The following KLHL3 variants were observed in gnomAD, a reference collection of about 807,000 sequenced individuals.
KLHL3 encodes the protein kelch-like protein 3.
A neutral mutation model predicts 70.5 loss-of-function variants in KLHL3; 19 were observed. The observed-to-expected ratio is 0.27, with a 90% CI of 0.19 to 0.40. The LOEUF is 0.40. KLHL3 is among the 10% of genes least tolerant of loss of function. The pLI is 1.00. For synonymous variants in KLHL3, 258 were observed against 290.3 expected, an observed-to-expected ratio of 0.89 and a Z score of 1.13; for missense variants, 512 against 771.1, an observed-to-expected ratio of 0.66 and a Z score of 3.98.
chr5:137,713,674 G>T (rs772631380), intron 2 of KLHL3, among the ~76,000 whole-genome samples: 8 of 152,128 alleles, frequency 5.3e-5, no homozygotes, highest in Non-Finnish European at 1.0e-4. Flanking sequence ...AAGAAACAAT[G>T]ATAAATTAGT....
At chr5:137,708,997 C>A (rs1035408734) in intron 3 of KLHL3, among the ~76,000 whole-genome samples, 1 of 152,184 alleles carries the variant, frequency 6.6e-6, no homozygotes, top group African/African-American at 2.4e-5. Flanking sequence ...ACTGAAAGTA[C>A]CTGGTTCAGG....
chr5:137,722,683 T>C (rs1753018855), intron 1 of KLHL3, among the ~76,000 whole-genome samples: 1 of 152,190 alleles, frequency 6.6e-6, no homozygotes, highest in African/African-American at 2.4e-5. Context: ...CTGATACTTA[T>C]TTTTTCTCTT....
chr5:137,689,448 GATTGGATA>G, intron 5 of KLHL3, among the ~76,000 whole-genome samples: 1 of 152,174 alleles, frequency 6.6e-6, no homozygotes, highest in Non-Finnish European at 1.5e-5. Context: ...ATCCACAATG[GATTGGATA>G]AAGAAAATGT....
At chr5:137,679,955 C>T (rs1300034483) in intron 5 of KLHL3, among the ~76,000 whole-genome samples, 5 of 152,238 alleles carry the variant, frequency 3.3e-5, no homozygotes, top group African/African-American at 9.6e-5. Flanking sequence ...AATGCCTTCC[C>T]GTTTCCATTT....
chr5:137,619,650 G>A lies in KLHL3; in HGVS notation c.*2448C>T, dbSNP rs886059945. The A allele has an allele frequency of 1.3e-5, 2 of 152,796 alleles. No homozygotes were observed. The highest frequency in any genetic ancestry group is 2.9e-5 in the Non-Finnish European group (2 of 68,120). The allele number at this position is 152,796 out of a possible 1,614,324, so 9.5% of individuals were successfully genotyped here. Reference sequence around the variant, plus strand: ...TTGGTGGCATCTGTGGGCAGCTAGAGCAGATTGGCTTTGGTGATGACGTAC... The same window carrying A: ...TTGGTGGCATCTGTGGGCAGCTAGAACAGATTGGCTTTGGTGATGACGTAC... On this transcript the variant is annotated 3_prime_UTR_variant, in exon 15 of 15. Coordinates refer to ENST00000309755, the MANE Select transcript of KLHL3 (RefSeq NM_017415.3).
intron 10 of KLHL3, among the ~76,000 whole-genome samples, chr5:137,638,004 A>G (rs1750813531): frequency 6.6e-6 from 1 of 152,242 alleles, no homozygotes; most frequent in African/African-American, 2.4e-5. Context: ...TGTGGCCTCA[A>G]TGTCCATGAG....
At chr5:137,651,343 C>A (rs1751196006) in intron 8 of KLHL3, among the ~76,000 whole-genome samples, 1 of 152,134 alleles carries the variant, frequency 6.6e-6, no homozygotes. Context: ...CCTTGTTGTT[C>A]AAAAAGCAAT....
At chr5:137,655,931 A>G (rs1291935371) in intron 8 of KLHL3, among the ~76,000 whole-genome samples, 1 of 151,232 alleles carries the variant, frequency 6.6e-6, no homozygotes, top group Non-Finnish European at 1.5e-5. Flanking sequence ...ATGGAAGCTG[A>G]AGTGAGCTGA....
chr5:137,723,789 T>C (rs1422033746), intron 1 of KLHL3, among the ~76,000 whole-genome samples: 2 of 152,252 alleles, frequency 1.3e-5, no homozygotes, highest in East Asian at 3.8e-4. Flanking sequence ...TGAATAGTAT[T>C]GTCATATTCC....
chr5:137,663,521 G>A lies in KLHL3; in HGVS notation c.637-1490C>T, dbSNP rs375401855. ...AATACTTTAAATATATATATTTAAA[G>A]TATGTTAATAATAAATATACTTTAA... is the stretch of plus-strand genomic sequence containing the variant. On this transcript the variant is annotated intron_variant, in intron 6 of 14. Coordinates refer to ENST00000309755, the MANE Select transcript of KLHL3 (RefSeq NM_017415.3). Among the ~76,000 whole-genome samples the A allele has an allele frequency of 1.1e-4, 16 of 151,010 alleles. No individual in the cohort carries two copies. The East Asian group carries it at 2.7e-3, about 26-fold the overall frequency.
chr5:137,701,527 G>A (rs1449375329), intron 3 of KLHL3, among the ~76,000 whole-genome samples: 1 of 152,044 alleles, frequency 6.6e-6, no homozygotes, highest in Non-Finnish European at 1.5e-5. Flanking sequence ...AAATTCTGAG[G>A]ACAAGTTAGT....
chr5:137,705,717 T>C (rs1752672421), intron 3 of KLHL3, among the ~76,000 whole-genome samples: 2 of 152,190 alleles, frequency 1.3e-5, no homozygotes, highest in African/African-American at 4.8e-5. Flanking sequence ...AAATAGGGGC[T>C]GTATCTGGAT....
intron 6 of KLHL3, among the ~76,000 whole-genome samples, chr5:137,677,221 C>T (rs778642392): frequency 1.6e-4 from 24 of 151,828 alleles, no homozygotes; most frequent in Non-Finnish European, 1.3e-4. Context: ...CTGAGGCGGG[C>T]GGATTGCCTG....
chr5:137,688,989 G>A (rs905091412), intron 5 of KLHL3, among the ~76,000 whole-genome samples: 2 of 152,198 alleles, frequency 1.3e-5, no homozygotes, highest in East Asian at 1.9e-4. Flanking sequence ...TCCCACAGAT[G>A]AGTCTCATCA....
rs541593135 is a variant in KLHL3 at position 137,652,585 on chromosome 5, T to A, written c.903+5546A>T. Among the ~76,000 whole-genome samples the A allele has an allele frequency of 9.4e-4, 143 of 152,264 alleles. 1 individual carries two copies. Among genetic ancestry groups the A allele is most frequent in the African/African-American group, 3.3e-3 (138 of 41,552 alleles). On this transcript the variant is annotated intron_variant, in intron 8 of 14. Coordinates refer to ENST00000309755, the MANE Select transcript of KLHL3 (RefSeq NM_017415.3). ...GCACAAAAGGACAAATAACATACAA[T>A]CTCACTCATACGCGGAATCTAAAAA...
At position 137,621,743 on chromosome 5, in the gene KLHL3, C is replaced by T. The variant is rs1406668447; in HGVS notation, c.*355G>A. On this transcript the variant is annotated 3_prime_UTR_variant, in exon 15 of 15. Transcript: ENST00000309755. ...GTAGACTGTCACACACGCTCACCCC[C>T]CAACTTAGAGAAACATAGAGAAACA... 1 of 274,152 alleles carries T rather than the reference C, an allele frequency of 3.6e-6. No homozygotes were observed. The highest frequency in any genetic ancestry group is 5.0e-5 in the Admixed American group (1 of 20,040). The allele number at this position is 274,152 out of a possible 1,614,324, so 17.0% of individuals were successfully genotyped here.
At chr5:137,692,892 A>G (rs1200031607) in intron 4 of KLHL3, among the ~76,000 whole-genome samples, 1 of 151,638 alleles carries the variant, frequency 6.6e-6, no homozygotes, top group Non-Finnish European at 1.5e-5. Context: ...GTATTACCTT[A>G]AGAGTTTTAA....
intron 8 of KLHL3, among the ~76,000 whole-genome samples, chr5:137,652,213 T>G (rs758611864): frequency 3.3e-5 from 5 of 152,166 alleles, no homozygotes; most frequent in Non-Finnish European, 5.9e-5. Context: ...TAAAAACTTA[T>G]GCACTTCCAA....
At chr5:137,655,612 T>C (rs1331739551) in intron 8 of KLHL3, among the ~76,000 whole-genome samples, 1 of 152,028 alleles carries the variant, frequency 6.6e-6, no homozygotes, top group African/African-American at 2.4e-5. Context: ...AAGAGGCAAA[T>C]TGCAAACTAA....
Sources: gnomAD v4.1 joint callset for allele counts (sites outside exome capture counted in the v4.1 genomes callset) on GRCh38, gnomAD v4.1.1 for gene constraint, MANE v1.5 for transcripts, NCBI Gene and HGNC (gene_info 2026-07-23, HGNC 2026-07-21) for gene names.